Variants in FGD3 observed in about 807,000 individuals in gnomAD.
FGD3 encodes FYVE, RhoGEF and PH domain-containing protein 3.
In FGD3, 45 loss-of-function variants were observed where a neutral mutation model predicts 71.8. That is an observed-to-expected ratio of 0.63 (90% CI 0.49 to 0.80). The LOEUF (loss-of-function observed/expected upper bound fraction) is 0.80. FGD3 is among the 30% of genes least tolerant of loss of function. The pLI is 0.00. For missense variants in FGD3, 844 were observed against 951.5 expected, an observed-to-expected ratio of 0.89 and a Z score of 1.49; for synonymous variants, 378 against 392.8, an observed-to-expected ratio of 0.96 and a Z score of 0.44.
At chr9:93,033,839 A>G (rs1032331166) in intron 16 of FGD3, 2 of 152,254 alleles carry the variant, frequency 1.3e-5, no homozygotes, top group Non-Finnish European at 2.9e-5. Flanking sequence ...GCCCTGACCT[A>G]GGTCCTTGGT....
rs565847367 is a variant in FGD3 at position 92,994,530 on chromosome 9, A to T, written c.454-8395A>T. Among the ~76,000 whole-genome samples, 6 of 152,302 alleles carry T rather than the reference A, an allele frequency of 3.9e-5. No homozygotes were observed. The East Asian group carries it at 1.2e-3, about 29-fold the overall frequency. ...CCATTGCAATTGCTTTTGGTGTTTT[A>T]GTCATGAAGTCCTTGCCCATGCTTA... On this transcript the variant is annotated intron_variant, in intron 3 of 17. Coordinates refer to ENST00000375482, the MANE Select transcript of FGD3 (RefSeq NM_001083536.2).
intron 13 of FGD3, 132 bp downstream of exon 13, chr9:93,020,556 C>T (rs757758059): frequency 1.8e-5 from 12 of 681,060 alleles, no homozygotes; most frequent in South Asian, 8.1e-5. Context: ...ACCAGGACAG[C>T]GGGCACTCCC....
intron 1 of FGD3, chr9:92,963,996 A>G (rs1397315194): frequency 6.6e-6 from 1 of 152,304 alleles, no homozygotes; most frequent in Non-Finnish European, 1.5e-5. Flanking sequence ...GAAGATCTAC[A>G]CAGCAGATCT....
At chr9:92,961,726 C>T (rs1859170928) in intron 1 of FGD3, among the ~76,000 whole-genome samples, 1 of 152,202 alleles carries the variant, frequency 6.6e-6, no homozygotes, top group African/African-American at 2.4e-5. Flanking sequence ...GAAGGCCTGA[C>T]TGAAACTGAG....
chr9:92,975,987 C>G (rs1354478743), intron 2 of FGD3, among the ~76,000 whole-genome samples: 1 of 152,204 alleles, frequency 6.6e-6, no homozygotes, highest in Non-Finnish European at 1.5e-5. Flanking sequence ...AATTTTAAAA[C>G]AAAACATTTT....
intron 5 of FGD3, among the ~76,000 whole-genome samples, chr9:93,004,653 T>G (rs1860984236): frequency 6.6e-6 from 1 of 152,078 alleles, no homozygotes; most frequent in Non-Finnish European, 1.5e-5. Context: ...GCCCCCAGAC[T>G]CATCAGTTCC....
intron 3 of FGD3, among the ~76,000 whole-genome samples, chr9:92,977,811 TG>T (rs1859824413): frequency 6.6e-6 from 1 of 152,140 alleles, no homozygotes; most frequent in Non-Finnish European, 1.5e-5. Flanking sequence ...CCAGCCATGA[TG>T]GGAATGGGAG....
rs147698050 is a variant in FGD3, at chr9:92,952,567, C to T, written c.-218+4838C>T. On this transcript the variant is annotated intron_variant, in intron 1 of 17. Coordinates refer to ENST00000375482, the MANE Select transcript of FGD3 (RefSeq NM_001083536.2). Reference sequence around the variant, plus strand: ...ATCAAACTGTTTTAAAGCTGAAGGCCCCCCCATCCCATCCTCTACCCTCCA... The same window carrying T: ...ATCAAACTGTTTTAAAGCTGAAGGCTCCCCCATCCCATCCTCTACCCTCCA... Among the ~76,000 whole-genome samples, 631 of 151,890 alleles carry T rather than the reference C, an allele frequency of 4.2e-3. 4 individuals carry two copies. The highest frequency in any genetic ancestry group is 0.017 in the Middle Eastern group (5 of 294).
intron 7 of FGD3, among the ~76,000 whole-genome samples, chr9:93,010,615 G>C (rs569869130): frequency 7.0e-6 from 1 of 141,866 alleles, no homozygotes; most frequent in South Asian, 2.2e-4. Flanking sequence ...GAGAAACAGA[G>C]GGGAGGAGAG....
At chr9:93,011,410 A>C in intron 8 of FGD3, 138 bp downstream of exon 8, 2 of 1,011,504 alleles carry the variant, frequency 2.0e-6, no homozygotes, top group Non-Finnish European at 3.0e-6. Flanking sequence ...TTCCACCCCC[A>C]TCCCCAGGGG....
intron 3 of FGD3, among the ~76,000 whole-genome samples, chr9:92,995,533 G>C (rs926413996): frequency 7.9e-5 from 12 of 152,312 alleles, no homozygotes; most frequent in African/African-American, 2.6e-4. Flanking sequence ...TGGTGAGAGA[G>C]GGCATCCCTG....
intron 1 of FGD3, among the ~76,000 whole-genome samples, chr9:92,950,696 CT>C (rs1247071509): frequency 1.3e-5 from 2 of 152,214 alleles, no homozygotes; most frequent in Non-Finnish European, 2.9e-5. Flanking sequence ...CTTCTGACCC[CT>C]GGTAGGGCCC....
At chr9:93,026,219 G>A (rs1012096904) in intron 14 of FGD3, among the ~76,000 whole-genome samples, 1 of 152,166 alleles carries the variant, frequency 6.6e-6, no homozygotes, top group Non-Finnish European at 1.5e-5. Flanking sequence ...TGTTTTGGGC[G>A]CTTTGGGGGT....
At chr9:93,032,987 A>T (rs773248569) in intron 16 of FGD3, 114 bp downstream of exon 16, 1 of 1,030,766 alleles carries the variant, frequency 9.7e-7, no homozygotes, top group Admixed American at 1.9e-5. Context: ...CCCTGGGACC[A>T]GGATAGATGT....
intron 3 of FGD3, 85 bp downstream of exon 3, chr9:92,976,794 C>T: frequency 7.4e-7 from 1 of 1,359,606 alleles, no homozygotes; most frequent in Non-Finnish European, 9.9e-7. Context: ...CGTCATCCCA[C>T]ACCTTGTTTC....
At position 93,035,543 on chromosome 9, in the gene FGD3, C is replaced by G. The variant is rs747673920; in HGVS notation, c.2132C>G (p.Pro711Arg). 7 of 1,606,430 alleles carry G rather than the reference C, an allele frequency of 4.4e-6. No individual in the cohort carries two copies. Among genetic ancestry groups the G allele is most frequent in the Middle Eastern group, 1.7e-4 (1 of 5,776 alleles). ...AAHGDTAQDSPGALQLQVPMG... is the reference protein window; with the variant it reads ...AAHGDTAQDSRGALQLQVPMG... ...CATGGGGACACGGCCCAGGACAGCCCGGGGGCCCTGCAGCTTCAGGTCCCT... is the reference window on the plus strand; with the variant it reads ...CATGGGGACACGGCCCAGGACAGCCGGGGGGCCCTGCAGCTTCAGGTCCCT... The change falls in exon 18 of 18, where the codon CCG (proline) becomes CGG (arginine). Residue 711 changes from proline (P) to arginine (R), a missense_variant. Transcript: ENST00000375482.
intron 3 of FGD3, among the ~76,000 whole-genome samples, chr9:92,989,796 T>C (rs1860332410): frequency 6.6e-6 from 1 of 152,212 alleles, no homozygotes; most frequent in African/African-American, 2.4e-5. Flanking sequence ...CATCTATAGC[T>C]GTCTGCTTAG....
intron 1 of FGD3, among the ~76,000 whole-genome samples, chr9:92,968,599 C>CT (rs1564143464): frequency 1.0e-5 from 1 of 98,926 alleles, no homozygotes; most frequent in African/African-American, 4.2e-5. Flanking sequence ...TTTCTTTTTT[C>CT]TTTCTTTCTT....
At chr9:92,950,897 CTTG>C (rs770027948) in intron 1 of FGD3, among the ~76,000 whole-genome samples, 33 of 152,216 alleles carry the variant, frequency 2.2e-4, no homozygotes, top group Middle Eastern at 3.2e-3. Context: ...AGCCAGGGTC[CTTG>C]TTGTGCCACG....
Sources: allele counts gnomAD v4.1 joint callset (sites outside exome capture counted in the v4.1 genomes callset), GRCh38; gene constraint gnomAD v4.1.1; transcripts MANE v1.5; gene names NCBI Gene and HGNC (gene_info 2026-07-23, HGNC 2026-07-21).